Variants in FAM117B observed in about 807,000 individuals in gnomAD.
FAM117B encodes the protein protein FAM117B.
In FAM117B, 22 loss-of-function variants were observed where a neutral mutation model predicts 52.8. That is an observed-to-expected ratio of 0.42 (90% confidence interval 0.30 to 0.59). The LOEUF (loss-of-function observed/expected upper bound fraction) is 0.59, where lower values mean the gene tolerates loss of function less well. Among genes scored for constraint, FAM117B ranks in the 20% least tolerant of loss-of-function variants. FAM117B has a pLI of 0.22. For missense variants in FAM117B, 678 were observed against 802.6 expected, an observed-to-expected ratio of 0.84 and a Z score of 1.88; for synonymous variants, 309 against 324.1, an observed-to-expected ratio of 0.95 and a Z score of 0.50.
At chr2:202,709,674 C>CT (rs1357356687) in intron 2 of FAM117B, among the ~76,000 whole-genome samples, 1 of 151,848 alleles carries the variant, frequency 6.6e-6, no homozygotes. Context: ...TTAGTTTTTG[C>CT]TTTTTTTGGT....
chr2:202,725,481 G>C (rs1425160138), intron 3 of FAM117B, among the ~76,000 whole-genome samples: 2 of 151,918 alleles, frequency 1.3e-5, no homozygotes. Context: ...ATCATGGCCA[G>C]CTAATTTTTG....
chr2:202,731,332 AATATATAT>A (rs35255766), intron 4 of FAM117B, among the ~76,000 whole-genome samples: 730 of 30,768 alleles, frequency 0.024, 32 homozygotes, highest in African/African-American at 0.039. Flanking sequence ...GAGAAATTGG[AATATATAT>A]ATATATATAT....
chr2:202,750,848 GTT>G (rs1310218852), intron 4 of FAM117B, among the ~76,000 whole-genome samples: 1 of 152,276 alleles, frequency 6.6e-6, no homozygotes, highest in African/African-American at 2.4e-5. Context: ...GTGTGTGTCT[GTT>G]TTATACGCAT....
Position 202,720,604 on chromosome 2 carries a change from CTT to C in FAM117B, c.754-4302_754-4301del, listed in dbSNP as rs200581712. 2.9e-4 allele frequency among the ~76,000 whole-genome samples: 42 copies of C among 144,856 alleles called. 1 individual carries two copies. In the South Asian group the frequency reaches 5.4e-3, roughly 19 times the overall value. ...TTATGTTAAAATTTCCCCAATATGT[CTT>C]TTTTTTTTTTAATGACCCAATTCAA... On this transcript the variant is annotated intron_variant, in intron 2 of 7. Coordinates refer to ENST00000392238, the MANE Select transcript of FAM117B (RefSeq NM_173511.4).
chr2:202,673,059 A>G (rs1690322362), intron 1 of FAM117B, among the ~76,000 whole-genome samples: 1 of 152,218 alleles, frequency 6.6e-6, no homozygotes, highest in South Asian at 2.1e-4. Context: ...TTTAAAAAAC[A>G]AAAAGGACTT....
chr2:202,738,421 G>A (rs1312788081), intron 4 of FAM117B, among the ~76,000 whole-genome samples: 1 of 152,048 alleles, frequency 6.6e-6, no homozygotes, highest in African/African-American at 2.4e-5. Context: ...GTGGAAGTGA[G>A]GACATCTTTA....
At chr2:202,702,549 G>A (rs904511266) in intron 2 of FAM117B, among the ~76,000 whole-genome samples, 7 of 152,152 alleles carry the variant, frequency 4.6e-5, no homozygotes, top group African/African-American at 1.7e-4. Flanking sequence ...TGAAGGCTCA[G>A]ATGATCATTA....
intron 1 of FAM117B, among the ~76,000 whole-genome samples, chr2:202,648,941 A>G (rs1407743849): frequency 6.6e-6 from 1 of 151,952 alleles, no homozygotes; most frequent in Non-Finnish European, 1.5e-5. Flanking sequence ...TTTAGTAGAG[A>G]TGGTGTTTCA....
chr2:202,751,595 T>C (rs1386108418), intron 4 of FAM117B, among the ~76,000 whole-genome samples: 3 of 151,862 alleles, frequency 2.0e-5, no homozygotes, highest in Non-Finnish European at 2.9e-5. Context: ...TTGCGAAACC[T>C]CATCATCTCT....
rs140579852 is a variant in FAM117B at position 202,751,881 on chromosome 2, T to C, written c.961-3657T>C. Among the ~76,000 whole-genome samples the C allele has an allele frequency of 3.5e-4, 53 of 151,754 alleles. No individual in the cohort carries two copies. The East Asian group carries it at 9.7e-3, about 28-fold the overall frequency. Reference sequence around the variant, plus strand: ...ATATAAGTTGAATTTTTAAAAATTATATAAATTTTCTCTATAAAACACTTA... The same window carrying C: ...ATATAAGTTGAATTTTTAAAAATTACATAAATTTTCTCTATAAAACACTTA... On this transcript the variant is annotated intron_variant, in intron 4 of 7. Transcript: ENST00000392238.
At chr2:202,683,125 C>G (rs544414531) in intron 1 of FAM117B, among the ~76,000 whole-genome samples, 1 of 152,006 alleles carries the variant, frequency 6.6e-6, no homozygotes, top group African/African-American at 2.4e-5. Flanking sequence ...GTCAGGAGTT[C>G]GAGACCAGCC....
intron 4 of FAM117B, among the ~76,000 whole-genome samples, chr2:202,751,455 G>A (rs1691720220): frequency 6.6e-6 from 1 of 152,132 alleles, no homozygotes; most frequent in Non-Finnish European, 1.5e-5. Context: ...CTATGGATAT[G>A]GCTAAGATCT....
intron 3 of FAM117B, chr2:202,725,349 C>T (rs963850269): frequency 2.6e-5 from 4 of 154,866 alleles, no homozygotes; most frequent in Middle Eastern, 3.3e-3. Flanking sequence ...GACGGAGTCT[C>T]GCTCTGTTGC....
chr2:202,743,247 C>T (rs1691576990), intron 4 of FAM117B, among the ~76,000 whole-genome samples: 1 of 152,202 alleles, frequency 6.6e-6, no homozygotes, highest in Non-Finnish European at 1.5e-5. Flanking sequence ...TCACTGACAA[C>T]TCCAGCTTAA....
chr2:202,766,732 G>A lies in FAM117B; in HGVS notation c.*968G>A, dbSNP rs1169900996. On this transcript the variant is annotated 3_prime_UTR_variant, in exon 8 of 8. Transcript: ENST00000392238. ...ACGCTCTCCCTCCTTTACCACAGGT[G>A]TCATTCTACCTTTAATCATCACTGT... 2 of 152,178 alleles carry A rather than the reference G, an allele frequency of 1.3e-5. No individual in the cohort carries two copies. Among genetic ancestry groups the A allele is most frequent in the South Asian group, 2.1e-4 (1 of 4,826 alleles). 9.4% of individuals were successfully genotyped at this position (152,178 alleles called of 1,614,324 possible).
chr2:202,716,003 G>A (rs1205388186), intron 2 of FAM117B, among the ~76,000 whole-genome samples: 1 of 152,222 alleles, frequency 6.6e-6, no homozygotes, highest in African/African-American at 2.4e-5. Flanking sequence ...AATCAGGCAG[G>A]GAGGTTGCAG....
At chr2:202,682,502 C>T (rs1333881574) in intron 1 of FAM117B, among the ~76,000 whole-genome samples, 2 of 152,166 alleles carry the variant, frequency 1.3e-5, no homozygotes, top group East Asian at 1.9e-4. Flanking sequence ...GGGAGTTGGC[C>T]CCTGCCAATG....
chr2:202,731,453 T>C (rs190290109), intron 4 of FAM117B, among the ~76,000 whole-genome samples: 17 of 150,384 alleles, frequency 1.1e-4, no homozygotes, highest in Admixed American at 4.0e-4. Flanking sequence ...TATTTTGGGA[T>C]GGAGTCTCTC....
At chr2:202,722,634 A>G (rs1386068365) in intron 2 of FAM117B, among the ~76,000 whole-genome samples, 1 of 152,122 alleles carries the variant, frequency 6.6e-6, no homozygotes, top group African/African-American at 2.4e-5. Context: ...GAACACATGG[A>G]CACATAGAGG....
Sources: gnomAD v4.1 joint callset for allele counts (sites outside exome capture counted in the v4.1 genomes callset) on GRCh38, gnomAD v4.1.1 for gene constraint, MANE v1.5 for transcripts, NCBI Gene and HGNC (gene_info 2026-07-23, HGNC 2026-07-21) for gene names.